Variants in TBC1D22A observed in about 807,000 individuals in gnomAD.
TBC1D22A encodes the protein putative GTPase activator.
Under a neutral mutation model 60.2 loss-of-function variants are expected in TBC1D22A, and 38 were observed. The ratio of observed to expected loss-of-function variants is 0.63; its 90% CI spans 0.49 to 0.83. The LOEUF is 0.83. TBC1D22A is among the 40% of genes least tolerant of loss of function. TBC1D22A has a pLI of 0.00. For synonymous variants in TBC1D22A, 302 were observed against 281.7 expected, an observed-to-expected ratio of 1.07 and a Z score of -0.72; for missense variants, 628 against 701.0, an observed-to-expected ratio of 0.90 and a Z score of 1.18.
At chr22:47,058,428 C>A (rs900435549) in intron 11 of TBC1D22A, among the ~76,000 whole-genome samples, 1 of 152,174 alleles carries the variant, frequency 6.6e-6, no homozygotes, top group African/African-American at 2.4e-5. Flanking sequence ...GTTCAGCCCT[C>A]AGCCCCACCG....
chr22:46,955,741 C>T (rs1156796648), intron 8 of TBC1D22A, among the ~76,000 whole-genome samples: 1 of 152,182 alleles, frequency 6.6e-6, no homozygotes, highest in Non-Finnish European at 1.5e-5. Flanking sequence ...AAAGATAATA[C>T]TCAGTGCTCT....
At chr22:47,162,329 T>C (rs918988995) in intron 12 of TBC1D22A, among the ~76,000 whole-genome samples, 1 of 152,092 alleles carries the variant, frequency 6.6e-6, no homozygotes, top group Non-Finnish European at 1.5e-5. Flanking sequence ...TTTCACCTGG[T>C]GCTGTCATGT....
intron 11 of TBC1D22A, among the ~76,000 whole-genome samples, chr22:47,056,912 G>A (rs1002188948): frequency 3.3e-5 from 5 of 152,208 alleles, no homozygotes; most frequent in African/African-American, 1.2e-4. Flanking sequence ...ATGCAGGGGT[G>A]TCTGACATGG....
Position 46,915,352 on chromosome 22 carries a change from C to T in TBC1D22A, c.1015+3164C>T, listed in dbSNP as rs1398572949. 3.3e-5 allele frequency: 15 copies of T among 454,380 alleles called. No homozygotes were observed. In the East Asian group the frequency reaches 1.0e-3, roughly 32 times the overall value. 28.1% of individuals were successfully genotyped at this position (454,380 alleles called of 1,614,324 possible). On this transcript the variant is annotated intron_variant, in intron 8 of 12. Transcript: ENST00000337137. Reference sequence around the variant, plus strand: ...TCTTCAAGCCGGTAAACCTCAGATGCTCTGCTTAGTGAAGATCTTCAAGAT... The same window carrying T: ...TCTTCAAGCCGGTAAACCTCAGATGTTCTGCTTAGTGAAGATCTTCAAGAT...
intron 10 of TBC1D22A, among the ~76,000 whole-genome samples, chr22:47,015,544 C>T (rs2061881599): frequency 6.6e-6 from 1 of 152,234 alleles, no homozygotes; most frequent in African/African-American, 2.4e-5. Context: ...CATCATAGCT[C>T]TGTGAGCACA....
chr22:46,955,901 G>T (rs534578849), intron 8 of TBC1D22A, among the ~76,000 whole-genome samples: 1 of 152,208 alleles, frequency 6.6e-6, no homozygotes, highest in Non-Finnish European at 1.5e-5. Context: ...GGGGCTCCCT[G>T]TGGAGGCAAA....
intron 12 of TBC1D22A, among the ~76,000 whole-genome samples, chr22:47,115,235 C>T (rs2065995619): frequency 6.6e-6 from 1 of 152,154 alleles, no homozygotes; most frequent in Non-Finnish European, 1.5e-5. Flanking sequence ...GCTTGCTGGT[C>T]CTCAGGAAGG....
At chr22:46,955,986 G>A (rs138111791) in intron 8 of TBC1D22A, among the ~76,000 whole-genome samples, 6 of 152,182 alleles carry the variant, frequency 3.9e-5, no homozygotes, top group African/African-American at 7.2e-5. Flanking sequence ...TGGGTACATT[G>A]ATTTCTGTGT....
intron 12 of TBC1D22A, among the ~76,000 whole-genome samples, chr22:47,144,012 G>A (rs1439460188): frequency 6.6e-6 from 1 of 152,220 alleles, no homozygotes; most frequent in Admixed American, 6.5e-5. Flanking sequence ...AGTTGGTGAT[G>A]TCCAAAGGCC....
In TBC1D22A at chr22:47,062,134, GCCCCCTTTGTTGCTGTCAGTCAGAA is replaced by G. The variant is rs138619436; in HGVS notation, c.1329+24938_1329+24962del. On this transcript the variant is annotated intron_variant, in intron 11 of 12. Transcript: ENST00000337137. ...GACAATGTGACAATGTCAGTCCTCC[GCCCCCTTTGTTGCTGTCAGTCAGAA>G]CGCGGATTGTTTTCCCAGGGTTCCG... Among the ~76,000 whole-genome samples, 260 of 143,838 alleles carry G rather than the reference GCCCCCTTTGTTGCTGTCAGTCAGAA, an allele frequency of 1.8e-3. 1 individual carries two copies. Among genetic ancestry groups the G allele is most frequent in the African/African-American group, 6.4e-3 (248 of 38,666 alleles). 94.4% of individuals were successfully genotyped at this position (143,838 alleles called of 152,430 possible). A position where few individuals can be genotyped will look rare whatever the true frequency, so the allele number is the denominator to read the frequency against.
At chr22:46,941,386 A>G (rs1413246418) in intron 8 of TBC1D22A, among the ~76,000 whole-genome samples, 1 of 138,308 alleles carries the variant, frequency 7.2e-6, no homozygotes, top group Non-Finnish European at 1.6e-5. Context: ...GAATATATAT[A>G]CGGAATATAT....
intron 12 of TBC1D22A, among the ~76,000 whole-genome samples, chr22:47,169,976 G>A (rs946395333): frequency 3.9e-5 from 6 of 152,238 alleles, no homozygotes; most frequent in African/African-American, 9.7e-5. Context: ...GGCTTCGCCC[G>A]TGGTGGCCCC....
chr22:46,953,929 G>C (rs1466395504), intron 8 of TBC1D22A, among the ~76,000 whole-genome samples: 1 of 152,248 alleles, frequency 6.6e-6, no homozygotes, highest in South Asian at 2.1e-4. Context: ...AGGAAGCTGA[G>C]AGTTGATCAG....
chr22:47,040,427 G>A (rs9615451), intron 11 of TBC1D22A, among the ~76,000 whole-genome samples: 61,701 of 151,958 alleles, frequency 0.41, 13,135 homozygotes, highest in Middle Eastern at 0.63. Flanking sequence ...CAAACCCTGC[G>A]TCAGCAGTGG....
intron 12 of TBC1D22A, among the ~76,000 whole-genome samples, chr22:47,114,426 G>T (rs944537170): frequency 6.6e-6 from 1 of 151,988 alleles, no homozygotes; most frequent in Non-Finnish European, 1.5e-5. Flanking sequence ...ATAGGGGTTG[G>T]ATGGAGAGAA....
chr22:46,906,746 G>T (rs2069497863), intron 7 of TBC1D22A, among the ~76,000 whole-genome samples: 1 of 149,958 alleles, frequency 6.7e-6, no homozygotes, highest in Non-Finnish European at 1.5e-5. Flanking sequence ...TCACTGGCCC[G>T]TGGCTGTGTG....
chr22:46,918,666 G>A (rs1469307651), intron 8 of TBC1D22A, among the ~76,000 whole-genome samples: 1 of 152,178 alleles, frequency 6.6e-6, no homozygotes, highest in African/African-American at 2.4e-5. Context: ...ATTTGATAGT[G>A]GGGATCTTGC....
chr22:46,850,805 T>C (rs1219570592), intron 4 of TBC1D22A, among the ~76,000 whole-genome samples: 1 of 152,242 alleles, frequency 6.6e-6, no homozygotes, highest in African/African-American at 2.4e-5. Context: ...TCAGTATCTT[T>C]CACAGGTGAA....
intron 4 of TBC1D22A, among the ~76,000 whole-genome samples, chr22:46,868,813 C>G (rs776855236): frequency 6.6e-5 from 10 of 152,180 alleles, no homozygotes; most frequent in African/African-American, 2.4e-4. Context: ...CATTGGGATT[C>G]ATTGTTTGTG....
Sources: gnomAD v4.1 joint callset for allele counts (sites outside exome capture counted in the v4.1 genomes callset) on GRCh38, gnomAD v4.1.1 for gene constraint, MANE v1.5 for transcripts, NCBI Gene and HGNC (gene_info 2026-07-23, HGNC 2026-07-21) for gene names.